Variants in ENTR1 observed in about 807,000 individuals in gnomAD.
ENTR1 encodes the protein endosome associated trafficking regulator 1.
Under a neutral mutation model 47.9 loss-of-function variants are expected in ENTR1, and 47 were observed. The observed-to-expected ratio is 0.98, with a 90% confidence interval of 0.78 to 1.25. The LOEUF is 1.25. Ranked by LOEUF, ENTR1 falls within the 50% of genes most tolerant of loss-of-function variation. The pLI, the probability that ENTR1 is intolerant of heterozygous loss-of-function variation, is 0.00. For synonymous variants in ENTR1, 290 were observed against 245.8 expected, an observed-to-expected ratio of 1.18 and a Z score of -1.68; for missense variants, 668 against 570.5, an observed-to-expected ratio of 1.17 and a Z score of -1.74.
chr9:136,406,083 G>T, intron 5 of ENTR1, 105 bp from the exon 6 acceptor site: 1 of 732,564 alleles, frequency 1.4e-6, no homozygotes, highest in Non-Finnish European at 2.2e-6. Context: ...AGAGATGCTG[G>T]GTCAGTGCAG....
intron 7 of ENTR1, 163 bp from the exon 8 acceptor site, chr9:136,404,856 T>C (rs995239132): frequency 5.6e-6 from 4 of 713,812 alleles, no homozygotes; most frequent in African/African-American, 1.8e-5. Flanking sequence ...AGACCACCCC[T>C]GGGAAGGGCT....
At position 136,410,094 on chromosome 9, in the gene ENTR1, G is replaced by A; in HGVS notation, c.216C>T (p.Asp72=). 1 of 1,612,758 alleles carries A rather than the reference G, an allele frequency of 6.2e-7. No individual in the cohort carries two copies. The highest frequency in any genetic ancestry group is 8.5e-7 in the Non-Finnish European group (1 of 1,179,938). ...GCCGGCGCCCTCGTCTCTCACCTGT[G>A]TCTCCCACGGAAGCCAGCACCGGGC... The part of the protein sequence containing the change: ...VPSPVLASVG[D]TDFGYGKGKC... The change falls in exon 2 of 10, where the codon GAC becomes GAT. Residue 72 remains aspartate (D), a synonymous_variant. Coordinates refer to ENST00000357365, the MANE Select transcript of ENTR1 (RefSeq NM_001039707.2).
At chr9:136,410,288 G>A in intron 1 of ENTR1, 40 bp downstream of exon 1, 1 of 1,551,166 alleles carries the variant, frequency 6.4e-7, no homozygotes, top group Non-Finnish European at 8.7e-7. Flanking sequence ...GGCGGCCGCC[G>A]CCCACCTGGA....
At chr9:136,409,126 G>C in intron 2 of ENTR1, 59 bp from the exon 3 acceptor site, 2 of 1,532,770 alleles carry the variant, frequency 1.3e-6, no homozygotes, top group Non-Finnish European at 1.8e-6. Flanking sequence ...CCTCACATTT[G>C]GTTTTTTTCT....
chr9:136,410,363 G>A lies in ENTR1; in HGVS notation c.35C>T (p.Pro12Leu). ...SGYQRRPGAT[P>L]LSRARSLAIP... is the part of the protein sequence containing the mutation. ...GGCGAGGCTCCGGGCTCGGGACAGC[G>A]GGGTGGCGCCCGGGCGGCGCTGGTA... The change falls in exon 1 of 10, where the codon CCG (proline) becomes CTG (leucine). Residue 12 changes from proline to leucine, a missense_variant. By Grantham distance (98) the Pro-to-Leu change is moderately conservative. Coordinates refer to ENST00000357365, the MANE Select transcript of ENTR1 (RefSeq NM_001039707.2). 1 of 1,483,844 alleles carries A rather than the reference G, an allele frequency of 6.7e-7. No homozygotes were observed. Among genetic ancestry groups the A allele is most frequent in the Non-Finnish European group, 8.9e-7 (1 of 1,123,046 alleles). 91.9% of individuals were successfully genotyped at this position (1,483,844 alleles called of 1,614,324 possible).
chr9:136,405,867 A>G, intron 6 of ENTR1, 38 bp downstream of exon 6: 1 of 1,268,182 alleles, frequency 7.9e-7, no homozygotes, highest in Non-Finnish European at 1.1e-6. Flanking sequence ...TGTGTATTAG[A>G]TGTTGTGGAT....
chr9:136,405,438 A>C lies in ENTR1; in HGVS notation c.894-236T>G. ...AAGGTGTTTGGTGGCTTTTTGCCTA[A>C]AGTTTAAAATAAACCTTGGCCAGGC... On this transcript the variant is annotated intron_variant, in intron 6 of 9. Transcript: ENST00000357365. 7 of 506,948 alleles carry C rather than the reference A, an allele frequency of 1.4e-5. No individual in the cohort carries two copies. In the South Asian group the frequency reaches 1.5e-4, roughly 11 times the overall value. 31.4% of individuals were successfully genotyped at this position (506,948 alleles called of 1,614,324 possible).
Position 136,410,554 on chromosome 9 carries a change from G to C in ENTR1, c.-157C>G. On this transcript the variant is annotated 5_prime_UTR_variant, in exon 1 of 10. Transcript: ENST00000357365. ...CCGCGCCTCCGAGCCTCTCGCCGCT[G>C]CTTCCGCTCCGAGCACCGAAAGCGC... is the stretch of plus-strand genomic sequence containing the variant. 1.8e-6 allele frequency: 2 copies of C among 1,138,546 alleles called. No homozygotes were observed. The highest frequency in any genetic ancestry group is 2.2e-6 in the Non-Finnish European group (2 of 904,128). The allele number at this position is 1,138,546 out of a possible 1,614,324, so 70.5% of individuals were successfully genotyped here.
intron 9 of ENTR1, among the ~76,000 whole-genome samples, chr9:136,403,096 G>T: frequency 8.4e-6 from 1 of 119,212 alleles, no homozygotes; most frequent in African/African-American, 3.4e-5. Context: ...GGGCAGAAAG[G>T]GGAGGGGTTG....
At chr9:136,408,008 C>T in intron 3 of ENTR1, 70 bp from the exon 4 acceptor site, 2 of 1,021,952 alleles carry the variant, frequency 2.0e-6, no homozygotes, top group South Asian at 2.6e-5. Context: ...TCCTGTTCAC[C>T]TGTCTTTCCA....
At position 136,407,367 on chromosome 9, in the gene ENTR1, C is replaced by A; in HGVS notation, c.597G>T (p.Glu199Asp). Residue 199 changes from glutamate (E) to aspartate (D), a missense_variant, in exon 5 of 10, where the codon GAG (glutamate) becomes GAT (aspartate). Physicochemically the swap from Glu to Asp is conservative, Grantham distance 45. Coordinates refer to ENST00000357365, the MANE Select transcript of ENTR1 (RefSeq NM_001039707.2). ...AGGGCGACGTGCCGGCAGGGACCCT[C>A]TCGGGGTGAGTCTGCTCGATGGCGG... ...LPSAIEQTHPERVPAGTSPCS... is the reference protein window; with the variant it reads ...LPSAIEQTHPDRVPAGTSPCS... The A allele has an allele frequency of 1.9e-6, 3 of 1,607,518 alleles. No homozygotes were observed. The highest frequency in any genetic ancestry group is 2.5e-6 in the Non-Finnish European group (3 of 1,178,106).
rs1835046216 is a variant in ENTR1 at position 136,410,398 on chromosome 9, C to G, written c.-1G>C. 2 of 1,374,752 alleles carry G rather than the reference C, an allele frequency of 1.5e-6. No homozygotes were observed. The highest frequency in any genetic ancestry group is 3.3e-5 in the South Asian group (2 of 59,718). 85.2% of individuals were successfully genotyped at this position (1,374,752 alleles called of 1,614,324 possible). A position where few individuals can be genotyped will look rare whatever the true frequency, so the allele number is the denominator to read the frequency against. On this transcript the variant is annotated 5_prime_UTR_variant, in exon 1 of 10. Coordinates refer to ENST00000357365, the MANE Select transcript of ENTR1 (RefSeq NM_001039707.2). ...CCGGGCGGCGCTGGTAGCCCGACAT[C>G]GCCGCCGGCCCGGCGGGGCACGACC...
intron 3 of ENTR1, 56 bp downstream of exon 3, chr9:136,408,943 G>A (rs1357308326): frequency 1.4e-5 from 18 of 1,302,664 alleles, no homozygotes; most frequent in Admixed American, 3.6e-5. Context: ...CACCAGACAC[G>A]TGCCTGGCAC....
chr9:136,405,782 G>A (rs952583276), intron 6 of ENTR1, 123 bp downstream of exon 6: 3 of 595,256 alleles, frequency 5.0e-6, no homozygotes, highest in African/African-American at 3.8e-5. Context: ...GTTTGATGCT[G>A]AACATTTATA....
intron 5 of ENTR1, among the ~76,000 whole-genome samples, chr9:136,406,586 C>A (rs1588788983): frequency 6.6e-6 from 1 of 152,118 alleles, no homozygotes; most frequent in East Asian, 2.0e-4. Flanking sequence ...AAGCGATTCT[C>A]CTGCCTCAGC....
intron 4 of ENTR1, 80 bp from the exon 5 acceptor site, chr9:136,407,641 G>A (rs182633825): frequency 1.6e-5 from 24 of 1,480,538 alleles, no homozygotes; most frequent in East Asian, 1.2e-4. Flanking sequence ...GTTCTGCCTC[G>A]CAACAAGAAG....
At chr9:136,403,791 G>T (rs73670253) in intron 9 of ENTR1, among the ~76,000 whole-genome samples, 7,214 of 152,208 alleles carry the variant, frequency 0.047, 264 homozygotes, top group Middle Eastern at 0.1. Flanking sequence ...ACATGGGGTG[G>T]GGCTGAGGTT....
intron 3 of ENTR1, among the ~76,000 whole-genome samples, chr9:136,408,509 T>C (rs552940194): frequency 0.022 from 3,285 of 150,598 alleles, 47 homozygotes; most frequent in Middle Eastern, 0.07. Context: ...ACCTGGGAGG[T>C]GGAGCTTGCA....
intron 4 of ENTR1, 53 bp from the exon 5 acceptor site, chr9:136,407,614 CG>C: frequency 6.7e-7 from 1 of 1,499,446 alleles, no homozygotes; most frequent in African/African-American, 1.4e-5. Flanking sequence ...TGACTCGGAG[CG>C]CATCTTCCTT....
Sources: gnomAD v4.1 joint callset for allele counts (sites outside exome capture counted in the v4.1 genomes callset) on GRCh38, gnomAD v4.1.1 for gene constraint, MANE v1.5 for transcripts, NCBI Gene and HGNC (gene_info 2026-07-23, HGNC 2026-07-21) for gene names.